Variants in MACROD2 observed in about 807,000 individuals in gnomAD.
MACROD2 encodes the protein ADP-ribose glycohydrolase MACROD2.
MACROD2 carries 36 observed loss-of-function variants against 70.4 expected under a neutral mutation model. The observed-to-expected ratio is 0.51, with a 90% CI of 0.39 to 0.68. The LOEUF is 0.68. Among genes scored for constraint, MACROD2 ranks in the 30% least tolerant of loss-of-function variants. MACROD2 has a pLI of 0.00. For synonymous variants in MACROD2, 172 were observed against 178.8 expected, an observed-to-expected ratio of 0.96 and a Z score of 0.30; for missense variants, 496 against 538.4, an observed-to-expected ratio of 0.92 and a Z score of 0.78.
chr20:14,151,878 G>A (rs2055028127), intron 3 of MACROD2, among the ~76,000 whole-genome samples: 1 of 124,956 alleles, frequency 8.0e-6, no homozygotes, highest in Admixed American at 9.8e-5. Flanking sequence ...CTGGAGTGCA[G>A]TGGCACAATC....
intron 8 of MACROD2, among the ~76,000 whole-genome samples, chr20:15,520,384 C>G (rs1471796227): frequency 6.6e-6 from 1 of 152,202 alleles, no homozygotes; most frequent in Non-Finnish European, 1.5e-5. Context: ...ACCACACTTT[C>G]TGGAGCGAGT....
intron 7 of MACROD2, among the ~76,000 whole-genome samples, chr20:15,463,976 G>A (rs958765699): frequency 6.6e-6 from 1 of 152,030 alleles, no homozygotes; most frequent in African/African-American, 2.4e-5. Context: ...TTAGCCATTC[G>A]ATGAAGGATC....
At chr20:15,893,643 A>G (rs1370762097) in intron 10 of MACROD2, 1 of 453,366 alleles carries the variant, frequency 2.2e-6, no homozygotes, top group Admixed American at 2.4e-5. Flanking sequence ...CAAACCTAAG[A>G]GTAGTACAAA....
At chr20:14,652,981 C>T (rs1985754449) in intron 4 of MACROD2, among the ~76,000 whole-genome samples, 1 of 152,152 alleles carries the variant, frequency 6.6e-6, no homozygotes, top group Admixed American at 6.5e-5. Context: ...TCAGGATTTC[C>T]AGTCTCTGCC....
intron 5 of MACROD2, among the ~76,000 whole-genome samples, chr20:14,834,241 T>C (rs1408546555): frequency 6.8e-6 from 1 of 147,848 alleles, no homozygotes; most frequent in Non-Finnish European, 1.5e-5. Context: ...CCTTTACCCT[T>C]GCCGCTAGTA....
chr20:14,349,067 C>G (rs34245586), intron 3 of MACROD2, among the ~76,000 whole-genome samples: 1 of 151,784 alleles, frequency 6.6e-6, no homozygotes, highest in Non-Finnish European at 1.5e-5. Flanking sequence ...GGCCCTGTCT[C>G]TAAATAAATA....
At chr20:15,330,359 G>A (rs1248113427) in intron 6 of MACROD2, among the ~76,000 whole-genome samples, 1 of 148,262 alleles carries the variant, frequency 6.7e-6, no homozygotes, top group African/African-American at 2.6e-5. Context: ...GTATTCAGAA[G>A]TGACAGACTT....
intron 8 of MACROD2, among the ~76,000 whole-genome samples, chr20:15,765,483 A>G (rs1451730447): frequency 6.6e-6 from 1 of 152,220 alleles, no homozygotes; most frequent in African/African-American, 2.4e-5. Context: ...TGAACGGTGT[A>G]TTGTTCAGGT....
chr20:15,085,634 A>G (rs952035656), intron 5 of MACROD2, among the ~76,000 whole-genome samples: 2 of 152,014 alleles, frequency 1.3e-5, no homozygotes, highest in African/African-American at 4.8e-5. Context: ...TGTCTTTAGG[A>G]AGTTAGATAT....
intron 3 of MACROD2, among the ~76,000 whole-genome samples, chr20:14,242,144 T>A (rs1477203772): frequency 3.9e-5 from 6 of 152,188 alleles, no homozygotes; most frequent in African/African-American, 1.4e-4. Flanking sequence ...TAACATGTAG[T>A]CCTGCATACA....
chr20:15,984,967 G>A (rs950674546), intron 13 of MACROD2, among the ~76,000 whole-genome samples: 105 of 152,202 alleles, frequency 6.9e-4, no homozygotes, highest in East Asian at 2.1e-3. Flanking sequence ...GTCTATGTAC[G>A]GAAACTGGCC....
intron 4 of MACROD2, among the ~76,000 whole-genome samples, chr20:14,615,262 A>G (rs1983409299): frequency 6.6e-6 from 1 of 152,126 alleles, no homozygotes; most frequent in African/African-American, 2.4e-5. Context: ...ATTCCCAGAT[A>G]CAAGTGACAG....
At chr20:14,889,415 G>A (rs914283651) in intron 5 of MACROD2, among the ~76,000 whole-genome samples, 4 of 151,918 alleles carry the variant, frequency 2.6e-5, no homozygotes, top group African/African-American at 9.7e-5. Flanking sequence ...AGCTGTAAAT[G>A]GAGAAAAAAA....
chr20:14,827,498 T>C (rs189696737), intron 5 of MACROD2, among the ~76,000 whole-genome samples: 33 of 152,234 alleles, frequency 2.2e-4, no homozygotes, highest in African/African-American at 7.7e-4. Flanking sequence ...TATTATGTCC[T>C]TTCTGAGATT....
chr20:15,388,136 A>C (rs2045744775), intron 6 of MACROD2, among the ~76,000 whole-genome samples: 1 of 152,032 alleles, frequency 6.6e-6, no homozygotes, highest in African/African-American at 2.4e-5. Context: ...GAAGAGTAAG[A>C]GTAAGCCAAT....
At chr20:14,354,533 A>G (rs576348097) in intron 3 of MACROD2, among the ~76,000 whole-genome samples, 11 of 152,226 alleles carry the variant, frequency 7.2e-5, no homozygotes, top group African/African-American at 2.6e-4. Context: ...AAGTGTCTGC[A>G]AGACTAAAAT....
At chr20:14,634,615 A>G (rs1488557102) in intron 4 of MACROD2, among the ~76,000 whole-genome samples, 1 of 143,316 alleles carries the variant, frequency 7.0e-6, no homozygotes, top group Non-Finnish European at 1.5e-5. Flanking sequence ...GAATTTGGGC[A>G]AATCAGGACT....
intron 7 of MACROD2, among the ~76,000 whole-genome samples, chr20:15,437,354 A>G (rs1040269473): frequency 8.5e-5 from 13 of 152,080 alleles, no homozygotes; most frequent in African/African-American, 2.2e-4. Context: ...GTGAGGTCCA[A>G]TCTTGGGTCC....
At chr20:15,338,401 A>C (rs2146202814) in intron 6 of MACROD2, among the ~76,000 whole-genome samples, 1 of 151,570 alleles carries the variant, frequency 6.6e-6, no homozygotes, top group Non-Finnish European at 1.5e-5. Context: ...TCCACTTCAA[A>C]GTGCCCTGCT....
Sources: gnomAD v4.1 joint callset for allele counts (sites outside exome capture counted in the v4.1 genomes callset) on GRCh38, gnomAD v4.1.1 for gene constraint, MANE v1.5 for transcripts, NCBI Gene and HGNC (gene_info 2026-07-23, HGNC 2026-07-21) for gene names.